The following ZNF99 variants were observed in gnomAD, a reference collection of about 807,000 sequenced individuals.
The protein encoded by ZNF99 is zinc finger protein ENSP00000375192.
A neutral mutation model predicts 12.8 loss-of-function variants in ZNF99; 8 were observed. The observed-to-expected ratio is 0.62, with a 90% CI of 0.37 to 1.13. The LOEUF is 1.13. ZNF99 is among the 50% of genes most tolerant of loss of function. The pLI is 0.02. For missense variants in ZNF99, 1,007 were observed against 1,006.2 expected, an observed-to-expected ratio of 1.00 and a Z score of -0.01; for synonymous variants, 318 against 319.0, an observed-to-expected ratio of 1.00 and a Z score of 0.03.
intron 1 of ZNF99, among the ~76,000 whole-genome samples, chr19:22,781,726 T>G (rs955372193): frequency 9.9e-5 from 15 of 152,020 alleles, no homozygotes; most frequent in Admixed American, 9.2e-4. Context: ...AAGGCTACAC[T>G]CCACACCTCA....
Position 22,752,324 on chromosome 19 carries a change from A to C in ZNF99, c.*4990T>G, listed in dbSNP as rs761011407. ...ATTTGGATTGCTTGTAATTCAAGGA[A>C]TAAATGTTGAAGGTGAAGAATCCCT... On this transcript the variant is annotated 3_prime_UTR_variant, in exon 4 of 4. Coordinates refer to ENST00000596209, the MANE Select transcript of ZNF99 (RefSeq NM_001080409.3). 6.6e-6 allele frequency: 1 copy of C among 152,110 alleles called. No homozygotes were observed. Among genetic ancestry groups the C allele is most frequent in the Non-Finnish European group, 1.5e-5 (1 of 68,016 alleles). The allele number at this position is 152,110 out of a possible 1,614,324, so 9.4% of individuals were successfully genotyped here.
intron 3 of ZNF99, among the ~76,000 whole-genome samples, chr19:22,763,593 T>C (rs577994177): frequency 1.3e-5 from 2 of 152,006 alleles, no homozygotes; most frequent in Admixed American, 1.3e-4. Flanking sequence ...TCCATCAAAA[T>C]ACCACCGTCA....
rs776943563 is a variant in ZNF99 at position 22,758,744 on chromosome 19, T to C, written c.1165A>G (p.Ile389Val). ...SNLSALRKHE[I>V]IHTGQKPYKC... ...TAGGGTTTCTGTCCAGTATGAATTATCTCATGTTTTCTAAGGGCTGACAAA... is the reference window on the plus strand; with the variant it reads ...TAGGGTTTCTGTCCAGTATGAATTACCTCATGTTTTCTAAGGGCTGACAAA... Residue 389 changes from isoleucine to valine, a missense_variant, in exon 4 of 4, where the codon ATA becomes GTA. By Grantham distance (29) the Ile-to-Val change is conservative. Coordinates refer to ENST00000596209, the MANE Select transcript of ZNF99 (RefSeq NM_001080409.3). 3 of 1,613,602 alleles carry C rather than the reference T, an allele frequency of 1.9e-6. No homozygotes were observed. The highest frequency in any genetic ancestry group is 3.3e-5 in the Admixed American group (2 of 59,984).
At chr19:22,781,060 A>G (rs1281869592) in intron 1 of ZNF99, among the ~76,000 whole-genome samples, 2 of 152,242 alleles carry the variant, frequency 1.3e-5, no homozygotes, top group African/African-American at 4.8e-5. Context: ...AAGGTAAATG[A>G]AAATTTTTAA....
chr19:22,769,596 T>G (rs1216794798), intron 1 of ZNF99, among the ~76,000 whole-genome samples: 2 of 151,664 alleles, frequency 1.3e-5, no homozygotes, highest in Non-Finnish European at 2.9e-5. Context: ...TGAAACCCCG[T>G]CTCTACTAAA....
At position 22,782,444 on chromosome 19, in the gene ZNF99, C is replaced by G. The variant is rs527249179; in HGVS notation, c.3+1570G>C. Among the ~76,000 whole-genome samples, 9 of 151,868 alleles carry G rather than the reference C, an allele frequency of 5.9e-5. No individual in the cohort carries two copies. The East Asian group carries it at 1.7e-3, about 29-fold the overall frequency. ...GATCTCGGCTCACCGCAACCTCTAT[C>G]TCCCGGGTTCAAGCAATTCTCCTGC... On this transcript the variant is annotated intron_variant, in intron 1 of 3. Transcript: ENST00000596209.
In ZNF99 at chr19:22,754,985, C is replaced by T. The variant is rs552019543; in HGVS notation, c.*2329G>A. On this transcript the variant is annotated 3_prime_UTR_variant, in exon 4 of 4. Transcript: ENST00000596209. ...TCGGGAGGCTGAGGCAGGAGAATCG[C>T]TTGAAAACCCAGGAGGCGGAGGTTG... The T allele has an allele frequency of 1.5e-4, 25 of 168,024 alleles. No homozygotes were observed. The highest frequency in any genetic ancestry group is 3.1e-3 in the Middle Eastern group (1 of 320). 10.4% of individuals were successfully genotyped at this position (168,024 alleles called of 1,614,324 possible).
At chr19:22,769,845 C>A in intron 1 of ZNF99, 1 of 1,309,008 alleles carries the variant, frequency 7.6e-7, no homozygotes, top group Non-Finnish European at 1.0e-6. Context: ...GGCAGAAGAT[C>A]CACAACACCA....
intron 1 of ZNF99, among the ~76,000 whole-genome samples, chr19:22,773,004 T>C (rs1355217057): frequency 2.6e-5 from 4 of 152,146 alleles, no homozygotes. Context: ...GTTTCAGATG[T>C]GAAGATACAA....
Position 22,754,366 on chromosome 19 carries a change from CAAAA to C in ZNF99, c.*2944_*2947del, listed in dbSNP as rs78560081. 84 of 318,446 alleles carry C rather than the reference CAAAA, an allele frequency of 2.6e-4. No homozygotes were observed. The highest frequency in any genetic ancestry group is 1.1e-3 in the Middle Eastern group (1 of 904). 19.7% of individuals were successfully genotyped at this position (318,446 alleles called of 1,614,324 possible). On this transcript the variant is annotated 3_prime_UTR_variant, in exon 4 of 4. Coordinates refer to ENST00000596209, the MANE Select transcript of ZNF99 (RefSeq NM_001080409.3). ...TGGGCGACAGAGTGAGACTCCATTT[CAAAA>C]AAAAAAAAAAAACTTTGCCACATTC...
chr19:22,759,072 A>G lies in ZNF99; in HGVS notation c.837T>C (p.His279=). 1 of 1,613,682 alleles carries G rather than the reference A, an allele frequency of 6.2e-7. No individual in the cohort carries two copies. The highest frequency in any genetic ancestry group is 8.5e-7 in the Non-Finnish European group (1 of 1,179,768). The change falls in exon 4 of 4, where the codon CAT becomes CAC. Residue 279 remains histidine (H), a synonymous_variant. Coordinates refer to ENST00000596209, the MANE Select transcript of ZNF99 (RefSeq NM_001080409.3). The part of the protein sequence containing the change: ...SSTLMKHKII[H]TGKKPYKCEE... ...CACATTTATATGGTTTCTTCCCAGT[A>G]TGAATTATCTTATGTTTCATAAGGG...
intron 3 of ZNF99, among the ~76,000 whole-genome samples, chr19:22,762,161 GAAAC>G (rs1190358318): frequency 4.6e-5 from 7 of 151,666 alleles, no homozygotes; most frequent in Admixed American, 2.0e-4. Context: ...AAATGAAATT[GAAAC>G]AAACAAACAA....
intron 1 of ZNF99, 58 bp from the exon 2 acceptor site, chr19:22,769,382 T>C: frequency 6.4e-7 from 1 of 1,551,202 alleles, no homozygotes; most frequent in Admixed American, 2.0e-5. Context: ...ACAGAATTTT[T>C]AATTTGACTC....
intron 3 of ZNF99, among the ~76,000 whole-genome samples, chr19:22,763,534 T>C (rs1210807802): frequency 6.6e-6 from 1 of 152,138 alleles, no homozygotes. Context: ...GAATCAATAT[T>C]GTGAAAATGA....
intron 1 of ZNF99, 33 bp downstream of exon 1, chr19:22,783,981 C>A: frequency 6.2e-7 from 1 of 1,613,846 alleles, no homozygotes; most frequent in Non-Finnish European, 8.5e-7. Context: ...CAGCCCCTTC[C>A]CCTTCTCAGG....
At position 22,756,183 on chromosome 19, in the gene ZNF99, C is replaced by CT; in HGVS notation, c.*1130dup. ...TTAAGGTTTGTAAAATGGTTGAAAG[C>CT]TTTGACACATTCTTCACATTTTTAG... On this transcript the variant is annotated 3_prime_UTR_variant, in exon 4 of 4. Transcript: ENST00000596209. The CT allele has an allele frequency of 5.8e-6, 9 of 1,549,634 alleles. No individual in the cohort carries two copies. The highest frequency in any genetic ancestry group is 7.0e-6 in the Non-Finnish European group (8 of 1,141,506).
rs776716341 is a variant in ZNF99, at chr19:22,758,007, T to C, written c.1902A>G (p.Ser634=). The stretch of plus-strand genomic sequence containing the variant: ...GAATTATCTCATGTTTTCTAAGGGT[T>C]GAGGACTGGCTAAAAGCTTTGCCAC... ...EECGKAFSQS[S]TLRKHEIIHT... Residue 634 remains serine (S), a synonymous_variant, in exon 4 of 4, where the codon TCA becomes TCG. Coordinates refer to ENST00000596209, the MANE Select transcript of ZNF99 (RefSeq NM_001080409.3). The C allele has an allele frequency of 2.4e-5, 38 of 1,611,784 alleles. No homozygotes were observed. The South Asian group carries it at 3.2e-4, about 14-fold the overall frequency.
Position 22,784,127 on chromosome 19 carries a change from T to C in ZNF99, c.-111A>G. ...GAGCAGTAAAAACGAGATCCGGAGC[T>C]CCAGCTGGAACCAGAAACAACGGCC... On this transcript the variant is annotated 5_prime_UTR_variant, in exon 1 of 4. Coordinates refer to ENST00000596209, the MANE Select transcript of ZNF99 (RefSeq NM_001080409.3). 3 of 1,276,528 alleles carry C rather than the reference T, an allele frequency of 2.4e-6. No homozygotes were observed. Among genetic ancestry groups the C allele is most frequent in the Non-Finnish European group, 3.3e-6 (3 of 909,746 alleles). 79.1% of individuals were successfully genotyped at this position (1,276,528 alleles called of 1,614,324 possible). A position where few individuals can be genotyped will look rare whatever the true frequency, so the allele number is the denominator to read the frequency against.
At chr19:22,778,741 C>A (rs1339384508) in intron 1 of ZNF99, among the ~76,000 whole-genome samples, 1 of 152,280 alleles carries the variant, frequency 6.6e-6, no homozygotes, top group Non-Finnish European at 1.5e-5. Flanking sequence ...CACGGTGGCT[C>A]ACACCTGTAA....
Sources: allele counts gnomAD v4.1 joint callset (sites outside exome capture counted in the v4.1 genomes callset), GRCh38; gene constraint gnomAD v4.1.1; transcripts MANE v1.5; gene names NCBI Gene and HGNC (gene_info 2026-07-23, HGNC 2026-07-21).